Variants in PHF3 observed in about 807,000 individuals in gnomAD.
PHF3 encodes PHD finger protein 3.
Under a neutral mutation model 178.4 loss-of-function variants are expected in PHF3, and 41 were observed. The observed-to-expected ratio is 0.23, with a 90% CI of 0.18 to 0.30. The LOEUF (loss-of-function observed/expected upper bound fraction) is 0.30. PHF3 is among the 10% of genes least tolerant of loss of function. The probability of loss-of-function intolerance (pLI) is 1.00; values close to 1 mark genes in which losing one functional copy is unlikely to be tolerated. For synonymous variants in PHF3, 842 were observed against 800.5 expected (o/e 1.05, Z -0.88); for missense variants, 2,346 against 2,398.1 (o/e 0.98, Z 0.45).
In PHF3 at chr6:63,723,127, CAAA is replaced by C. The variant is rs1428224243; in HGVS notation, c.*9420_*9422del. Among the ~76,000 whole-genome samples, 1 of 152,056 alleles carries C rather than the reference CAAA, an allele frequency of 6.6e-6. No individual in the cohort carries two copies. The highest frequency in any genetic ancestry group is 2.4e-5 in the African/African-American group (1 of 41,390). On this transcript the variant is annotated 3_prime_UTR_variant, in exon 16 of 16. Coordinates refer to ENST00000262043, the MANE Select transcript of PHF3 (RefSeq NM_001370348.2). Reference sequence around the variant, plus strand: ...GGTTGAGATGACTCAGAATATTTCTCAAATAATAGTTTTAGCTTGAAAGCAAAA... The same window carrying C: ...GGTTGAGATGACTCAGAATATTTCTCTAATAGTTTTAGCTTGAAAGCAAAA...
chr6:63,725,209 A>G lies in PHF3; in HGVS notation c.*11501A>G, dbSNP rs934326828. Among the ~76,000 whole-genome samples, 6 of 152,158 alleles carry G rather than the reference A, an allele frequency of 3.9e-5. No homozygotes were observed. The highest frequency in any genetic ancestry group is 3.8e-4 in the East Asian group (2 of 5,196). On this transcript the variant is annotated 3_prime_UTR_variant, in exon 16 of 16. Transcript: ENST00000262043. ...CTCTGTAAGTAGTGTCTGATGGCAT[A>G]AAAAAGGAAACTCTTGATTGTCTTG...
rs1203358924 is a variant in PHF3, at chr6:63,721,485, C to T, written c.*7777C>T. 16 of 1,551,300 alleles carry T rather than the reference C, an allele frequency of 1.0e-5. No individual in the cohort carries two copies. Among genetic ancestry groups the T allele is most frequent in the Admixed American group, 5.9e-5 (3 of 50,944 alleles). ...TTCTTGATTATTTATGATAACTTGT[C>T]GGATACAGCCTTGAAAACCTACAGG... On this transcript the variant is annotated 3_prime_UTR_variant, in exon 16 of 16. Transcript: ENST00000262043.
rs754300043 is a variant in PHF3 at position 63,711,957 on chromosome 6, C to G, written c.4369C>G (p.Leu1457Val). 3 of 1,613,742 alleles carry G rather than the reference C, an allele frequency of 1.9e-6. No individual in the cohort carries two copies. Among genetic ancestry groups the G allele is most frequent in the Admixed American group, 1.7e-5 (1 of 59,952 alleles). Residue 1457 changes from leucine to valine, a missense_variant, in exon 16 of 16, where the codon CTG (leucine) becomes GTG (valine). Physicochemically the swap from Leu to Val is conservative, Grantham distance 32. Around this residue, in one of 8 missense-constraint regions of PHF3, gnomAD observed 839 missense variants for 806.9 expected, o/e 1.04. Coordinates refer to ENST00000262043, the MANE Select transcript of PHF3 (RefSeq NM_001370348.2). The stretch of plus-strand genomic sequence containing the variant: ...TGGCTGGGAGAATCAACCTACTACT[C>G]TGGAATTAGCAAATAAACCTCTTCC... The part of the protein sequence containing the change: ...LIGWENQPTT[L>V]ELANKPLPVD...
chr6:63,647,109 T>C (rs923798935), intron 2 of PHF3, among the ~76,000 whole-genome samples: 3 of 151,984 alleles, frequency 2.0e-5, no homozygotes, highest in African/African-American at 7.3e-5. Context: ...AATTACATCA[T>C]GACAACAGGT....
At chr6:63,644,768 G>A (rs998778064) in intron 1 of PHF3, among the ~76,000 whole-genome samples, 1 of 151,902 alleles carries the variant, frequency 6.6e-6, no homozygotes, top group African/African-American at 2.4e-5. Context: ...GAACAGATTC[G>A]TGAAACCATT....
At chr6:63,666,616 A>G (rs1483355667) in intron 2 of PHF3, among the ~76,000 whole-genome samples, 1 of 152,022 alleles carries the variant, frequency 6.6e-6, no homozygotes, top group Non-Finnish European at 1.5e-5. Flanking sequence ...ACATCCTCCT[A>G]TGTATTTTAA....
rs1465766746 is a variant in PHF3 at position 63,685,343 on chromosome 6, T to A, written c.1621T>A (p.Phe541Ile). Reference protein sequence around the residue: ...NTDVPESQQNFHRPVKVRKKQ... With the variant: ...NTDVPESQQNIHRPVKVRKKQ... ...TGATGTACCAGAATCTCAGCAAAATTTTCATAGGCCAGTCAAAGTCAGAAA... is the reference window on the plus strand; with the variant it reads ...TGATGTACCAGAATCTCAGCAAAATATTCATAGGCCAGTCAAAGTCAGAAA... Residue 541 changes from phenylalanine (F) to isoleucine (I), a missense_variant, in exon 4 of 16, where the codon TTT (phenylalanine) becomes ATT (isoleucine). Physicochemically the swap from Phe to Ile is conservative, Grantham distance 21 (BLOSUM62 0). Coordinates refer to ENST00000262043, the MANE Select transcript of PHF3 (RefSeq NM_001370348.2). 6.2e-7 allele frequency: 1 copy of A among 1,613,732 alleles called. No homozygotes were observed. Among genetic ancestry groups the A allele is most frequent in the Non-Finnish European group, 8.5e-7 (1 of 1,179,966 alleles).
intron 2 of PHF3, among the ~76,000 whole-genome samples, chr6:63,647,962 T>C (rs1395404256): frequency 6.6e-6 from 1 of 152,236 alleles, no homozygotes; most frequent in Non-Finnish European, 1.5e-5. Flanking sequence ...TTTTTCATTT[T>C]TTAAAACATT....
At chr6:63,663,194 A>G (rs1765541643) in intron 2 of PHF3, among the ~76,000 whole-genome samples, 1 of 152,174 alleles carries the variant, frequency 6.6e-6, no homozygotes, top group Admixed American at 6.5e-5. Flanking sequence ...TTTTGAGGAC[A>G]CTGATCAAAA....
intron 6 of PHF3, among the ~76,000 whole-genome samples, chr6:63,697,547 A>G (rs1446234773): frequency 1.3e-5 from 2 of 152,154 alleles, no homozygotes; most frequent in African/African-American, 2.4e-5. Flanking sequence ...TTTGTTGCCT[A>G]TTTGGGTGAA....
chr6:63,643,998 C>A (rs1764681128), intron 1 of PHF3, among the ~76,000 whole-genome samples: 1 of 152,170 alleles, frequency 6.6e-6, no homozygotes, highest in Non-Finnish European at 1.5e-5. Context: ...ACCATAACTT[C>A]TGAATGTTGT....
intron 2 of PHF3, among the ~76,000 whole-genome samples, chr6:63,654,377 A>G (rs900859073): frequency 6.6e-6 from 1 of 152,246 alleles, no homozygotes; most frequent in Non-Finnish European, 1.5e-5. Context: ...CTTTTTATCA[A>G]ATGTTGAACA....
chr6:63,709,307 T>A, intron 14 of PHF3, 67 bp downstream of exon 14: 1 of 1,080,692 alleles, frequency 9.3e-7, no homozygotes, highest in Non-Finnish European at 1.4e-6. Flanking sequence ...TTTAGAATTC[T>A]TATGCAAGGG....
chr6:63,706,081 T>C lies in PHF3; in HGVS notation c.3420T>C (p.Val1140=), dbSNP rs368635782. 7 of 1,613,798 alleles carry C rather than the reference T, an allele frequency of 4.3e-6. No homozygotes were observed. In the African/African-American group the frequency reaches 5.3e-5, roughly 12 times the overall value. ...TTTCTCCAAAAAAAGTAAAAGTTGT[T>C]GTAGGAGTAGCTCGCAAACATTCAG... ...DDLSPKKVKV[V]VGVARKHSDN... Residue 1140 remains valine (V), a synonymous_variant, in exon 12 of 16, where the codon GTT becomes GTC. Coordinates refer to ENST00000262043, the MANE Select transcript of PHF3 (RefSeq NM_001370348.2).
Position 63,712,520 on chromosome 6 carries a change from G to A in PHF3, c.4932G>A (p.Gln1644=). 6.2e-7 allele frequency: 1 copy of A among 1,613,918 alleles called. No individual in the cohort carries two copies. Among genetic ancestry groups the A allele is most frequent in the Non-Finnish European group, 8.5e-7 (1 of 1,179,942 alleles). ...TTGCTAATACAGCGAGGTCTCCACAGTTTATCAACCTGAAAAGGGATCCTA... is the reference window on the plus strand; with the variant it reads ...TTGCTAATACAGCGAGGTCTCCACAATTTATCAACCTGAAAAGGGATCCTA... ...NLVANTARSP[Q]FINLKRDPRQ... is the part of the protein sequence containing the mutation. The change falls in exon 16 of 16, where the codon CAG becomes CAA. Residue 1644 remains glutamine (Q), a synonymous_variant. Coordinates refer to ENST00000262043, the MANE Select transcript of PHF3 (RefSeq NM_001370348.2).
chr6:63,688,558 C>T (rs1306193753), intron 4 of PHF3, among the ~76,000 whole-genome samples: 1 of 151,562 alleles, frequency 6.6e-6, no homozygotes. Context: ...TGGTCTCGAA[C>T]TCCTGAATTC....
At chr6:63,664,456 A>G (rs975067886) in intron 2 of PHF3, among the ~76,000 whole-genome samples, 2 of 152,208 alleles carry the variant, frequency 1.3e-5, no homozygotes, top group African/African-American at 4.8e-5. Flanking sequence ...AAGATAACCA[A>G]ACTTTTTTGA....
At chr6:63,671,015 A>G (rs1008079456) in intron 2 of PHF3, among the ~76,000 whole-genome samples, 34 of 152,092 alleles carry the variant, frequency 2.2e-4, no homozygotes, top group African/African-American at 8.2e-4. Context: ...CTGAAATGTT[A>G]CAGAATGAAG....
intron 11 of PHF3, among the ~76,000 whole-genome samples, chr6:63,704,183 T>G (rs549920520): frequency 2.0e-5 from 3 of 152,286 alleles, no homozygotes; most frequent in African/African-American, 7.2e-5. Context: ...GTCTCCACTG[T>G]TAGCAACATC....
Sources: allele counts gnomAD v4.1 joint callset (sites outside exome capture counted in the v4.1 genomes callset), GRCh38; gene constraint gnomAD v4.1.1; regional missense constraint gnomAD v4.1.1; transcripts MANE v1.5; gene names NCBI Gene and HGNC (gene_info 2026-07-23, HGNC 2026-07-21).